Variants in MEOX1 observed in about 807,000 individuals in gnomAD.
The protein encoded by MEOX1 is homeobox protein MOX-1.
Under a neutral mutation model 23.2 loss-of-function variants are expected in MEOX1, and 17 were observed. The ratio of observed to expected loss-of-function variants is 0.73; its 90% CI spans 0.50 to 1.10. The LOEUF is 1.10. MEOX1 is among the 50% of genes least tolerant of loss of function. MEOX1 has a pLI of 0.00. For synonymous variants in MEOX1, 134 were observed against 135.1 expected (o/e 0.99, Z 0.06); for missense variants, 333 against 332.2 (o/e 1.00, Z -0.02).
At position 43,641,250 on chromosome 17, in the gene MEOX1, T is replaced by A. The variant is rs992542987; in HGVS notation, c.*660A>T. On this transcript the variant is annotated 3_prime_UTR_variant, in exon 3 of 3. Coordinates refer to ENST00000318579, the MANE Select transcript of MEOX1 (RefSeq NM_004527.4). ...ACACCGAAACCTACATCGGGCTATT[T>A]TTCTGTCTTCTCTAGTCAGTTCTCA... 6.6e-6 allele frequency: 1 copy of A among 152,196 alleles called. No homozygotes were observed. Among genetic ancestry groups the A allele is most frequent in the Non-Finnish European group, 1.5e-5 (1 of 68,054 alleles). The allele number at this position is 152,196 out of a possible 1,614,324, so 9.4% of individuals were successfully genotyped here.
chr17:43,661,211 G>C lies in MEOX1; in HGVS notation c.324C>G (p.Gly108=). ...CCATTTCCTTGGAACCCCCTGCCGGGCCTGAGTTGGGCCTGCGCCGGGCGT... is the reference window on the plus strand; with the variant it reads ...CCATTTCCTTGGAACCCCCTGCCGGCCCTGAGTTGGGCCTGCGCCGGGCGT... ...VSDARRRPNS[G]PAGGSKEMGT... Residue 108 remains glycine, a synonymous_variant, in exon 1 of 3, where the codon GGC becomes GGG. Transcript: ENST00000318579. 6.2e-7 allele frequency: 1 copy of C among 1,608,930 alleles called. No homozygotes were observed. Among genetic ancestry groups the C allele is most frequent in the Non-Finnish European group, 8.5e-7 (1 of 1,177,360 alleles).
intron 2 of MEOX1, 93 bp downstream of exon 2, chr17:43,643,395 A>T: frequency 8.3e-7 from 1 of 1,209,014 alleles, no homozygotes; most frequent in Non-Finnish European, 1.1e-6. Flanking sequence ...CTGGAGGAAG[A>T]AAAAGGAGAA....
intron 1 of MEOX1, among the ~76,000 whole-genome samples, chr17:43,654,723 A>G (rs535675071): frequency 6.6e-6 from 1 of 152,196 alleles, no homozygotes; most frequent in East Asian, 1.9e-4. Flanking sequence ...ATAATATAGC[A>G]ATTTCCCTTC....
At chr17:43,647,287 C>T (rs1157578520) in intron 1 of MEOX1, among the ~76,000 whole-genome samples, 1 of 152,240 alleles carries the variant, frequency 6.6e-6, no homozygotes, top group Admixed American at 6.5e-5. Context: ...CCTGGCACAA[C>T]TGACCCCTAC....
chr17:43,646,269 G>A (rs888826238), intron 1 of MEOX1, among the ~76,000 whole-genome samples: 1 of 152,140 alleles, frequency 6.6e-6, no homozygotes, highest in Non-Finnish European at 1.5e-5. Flanking sequence ...GGGTCCCCGA[G>A]GAGCCCTCCG....
rs764320690 is a variant in MEOX1 at position 43,643,478 on chromosome 17, G to A, written c.642+10C>T. The A allele has an allele frequency of 1.3e-5, 20 of 1,564,532 alleles. No individual in the cohort carries two copies. Among genetic ancestry groups the A allele is most frequent in the South Asian group, 4.7e-5 (4 of 84,794 alleles). On this transcript the variant is annotated intron_variant, in intron 2 of 2. Transcript: ENST00000318579. ...GAGCAAAGAAGAGGAGGGGCCCACC[G>A]GGGGCGCACCTGGCGCTCAGAGAGG...
At chr17:43,651,982 C>G (rs1445594682) in intron 1 of MEOX1, among the ~76,000 whole-genome samples, 1 of 152,178 alleles carries the variant, frequency 6.6e-6, no homozygotes, top group South Asian at 2.1e-4. Flanking sequence ...CTGAGCAGGC[C>G]CAGGCGTGGG....
At chr17:43,656,990 C>CTT (rs1973031897) in intron 1 of MEOX1, among the ~76,000 whole-genome samples, 1 of 138,706 alleles carries the variant, frequency 7.2e-6, no homozygotes, top group Non-Finnish European at 1.5e-5. Flanking sequence ...CATTTTCTTT[C>CTT]TTTCTTTTTC....
At position 43,641,858 on chromosome 17, in the gene MEOX1, G is replaced by A. The variant is rs929462505; in HGVS notation, c.*52C>T. 7 of 1,564,118 alleles carry A rather than the reference G, an allele frequency of 4.5e-6. No homozygotes were observed. The African/African-American group carries it at 9.5e-5, about 21-fold the overall frequency. ...AGGGTGAAGGTGGGATTGGGGTGGGGGTAGTTGGGTAGGGGGCTCAGTCCT... is the reference window on the plus strand; with the variant it reads ...AGGGTGAAGGTGGGATTGGGGTGGGAGTAGTTGGGTAGGGGGCTCAGTCCT... On this transcript the variant is annotated 3_prime_UTR_variant, in exon 3 of 3. Coordinates refer to ENST00000318579, the MANE Select transcript of MEOX1 (RefSeq NM_004527.4).
intron 1 of MEOX1, among the ~76,000 whole-genome samples, chr17:43,657,100 TC>T (rs1973046356): frequency 1.3e-5 from 2 of 149,482 alleles, no homozygotes; most frequent in South Asian, 4.2e-4. Flanking sequence ...TCTTTTTCTT[TC>T]TCTCTTTTTC....
At chr17:43,652,516 G>A (rs768019606) in intron 1 of MEOX1, among the ~76,000 whole-genome samples, 33 of 152,160 alleles carry the variant, frequency 2.2e-4, no homozygotes, top group Non-Finnish European at 4.1e-4. Context: ...ATATCATTTA[G>A]TCTCACAGCT....
chr17:43,653,694 G>A (rs28754801), intron 1 of MEOX1, among the ~76,000 whole-genome samples: 1 of 151,726 alleles, frequency 6.6e-6, no homozygotes, highest in Admixed American at 6.6e-5. Flanking sequence ...ATTTTTAGTA[G>A]AAATGGGATT....
rs112839868 is a variant in MEOX1, at chr17:43,648,941, C to G, written c.470-5281G>C. ...CGTGTCGGAGGACCTGTTGGTGAACCTGGGCCTTAGCACTCATAGGTGAGT... is the reference window on the plus strand; with the variant it reads ...CGTGTCGGAGGACCTGTTGGTGAACGTGGGCCTTAGCACTCATAGGTGAGT... On this transcript the variant is annotated intron_variant, in intron 1 of 2. Coordinates refer to ENST00000318579, the MANE Select transcript of MEOX1 (RefSeq NM_004527.4). Among the ~76,000 whole-genome samples, 863 of 152,254 alleles carry G rather than the reference C, an allele frequency of 5.7e-3. 7 individuals are homozygous for G. The highest frequency in any genetic ancestry group is 0.02 in the African/African-American group (831 of 41,558).
chr17:43,644,776 C>T lies in MEOX1; in HGVS notation c.470-1116G>A, dbSNP rs1180694747. Reference sequence around the variant, plus strand: ...CTAAAAATACAAAAAATTAGCTGGGCGCGGTGGCACGCCCCTGTAATCCCA... The same window carrying T: ...CTAAAAATACAAAAAATTAGCTGGGTGCGGTGGCACGCCCCTGTAATCCCA... On this transcript the variant is annotated intron_variant, in intron 1 of 2. Transcript: ENST00000318579. Among the ~76,000 whole-genome samples, 3 of 152,158 alleles carry T rather than the reference C, an allele frequency of 2.0e-5. No homozygotes were observed. The East Asian group carries it at 5.8e-4, about 29-fold the overall frequency.
chr17:43,657,170 C>CTT (rs57432395), intron 1 of MEOX1, among the ~76,000 whole-genome samples: 912 of 81,684 alleles, frequency 0.011, 36 homozygotes, highest in Non-Finnish European at 0.014. Flanking sequence ...TTCTTTCTTT[C>CTT]TTTTTTTTTT....
At position 43,643,502 on chromosome 17, in the gene MEOX1, G is replaced by A; in HGVS notation, c.628C>T (p.Leu210Phe). The A allele has an allele frequency of 1.9e-6, 3 of 1,595,392 alleles. No individual in the cohort carries two copies. Among genetic ancestry groups the A allele is most frequent in the Non-Finnish European group, 2.6e-6 (3 of 1,171,110 alleles). Residue 210 changes from leucine (L) to phenylalanine (F), a missense_variant, in exon 2 of 3, where the codon CTC becomes TTC. Coordinates refer to ENST00000318579, the MANE Select transcript of MEOX1 (RefSeq NM_004527.4). ...RRYEIAVNLD[L>F]SERQVKVWFQ... ...CGGGGGCGCACCTGGCGCTCAGAGAGGTCCAGGTTTACCGCAATCTCATAT... is the reference window on the plus strand; with the variant it reads ...CGGGGGCGCACCTGGCGCTCAGAGAAGTCCAGGTTTACCGCAATCTCATAT...
intron 1 of MEOX1, among the ~76,000 whole-genome samples, chr17:43,657,212 A>C (rs1350473469): frequency 8.4e-6 from 1 of 119,752 alleles, no homozygotes; most frequent in African/African-American, 3.2e-5. Flanking sequence ...TCTGTCACCC[A>C]GGCTGAATGA....
At chr17:43,652,831 T>TA (rs1567746261) in intron 1 of MEOX1, among the ~76,000 whole-genome samples, 1 of 135,974 alleles carries the variant, frequency 7.4e-6, no homozygotes, top group Non-Finnish European at 1.6e-5. Flanking sequence ...ATTGCTTTTT[T>TA]TTTTTTTTTT....
intron 1 of MEOX1, among the ~76,000 whole-genome samples, chr17:43,646,123 G>A (rs1972807058): frequency 6.6e-6 from 1 of 152,178 alleles, no homozygotes; most frequent in African/African-American, 2.4e-5. Context: ...CGCGCCCGGG[G>A]AGCAGGGCAG....
Sources: gnomAD v4.1 joint callset for allele counts (sites outside exome capture counted in the v4.1 genomes callset) on GRCh38, gnomAD v4.1.1 for gene constraint, MANE v1.5 for transcripts, NCBI Gene and HGNC (gene_info 2026-07-23, HGNC 2026-07-21) for gene names.